The following CSMD1 variants were observed in gnomAD, a reference collection of about 807,000 sequenced individuals.
The protein encoded by CSMD1 is CUB and sushi domain-containing protein 1.
In CSMD1, 213 loss-of-function variants were observed where a neutral mutation model predicts 417.5. That is an observed-to-expected ratio of 0.51 (90% CI 0.46 to 0.57). The LOEUF is 0.57. CSMD1 is among the 20% of genes least tolerant of loss of function. The pLI is 0.00. For synonymous variants in CSMD1, 2,862 were observed against 1,736.8 expected (o/e 1.65, Z -16.11); for missense variants, 6,923 against 4,529.7 (o/e 1.53, Z -15.17).
At chr8:4,883,517 C>T (rs891049619) in intron 1 of CSMD1, among the ~76,000 whole-genome samples, 7 of 152,034 alleles carry the variant, frequency 4.6e-5, no homozygotes, top group African/African-American at 1.7e-4. Flanking sequence ...TGTTGACAAC[C>T]ACTACCATAT....
intron 2 of CSMD1, among the ~76,000 whole-genome samples, chr8:4,581,850 C>A (rs889213459): frequency 1.3e-5 from 2 of 152,208 alleles, no homozygotes; most frequent in Admixed American, 6.5e-5. Context: ...TGACCCAAAT[C>A]TCTGGACTCT....
chr8:4,187,440 A>AGTT (rs1798748595), intron 3 of CSMD1, among the ~76,000 whole-genome samples: 4 of 152,070 alleles, frequency 2.6e-5, no homozygotes, highest in African/African-American at 9.7e-5. Flanking sequence ...TGAGGTCAGG[A>AGTT]AGAGACCAGC....
chr8:4,562,233 G>C (rs960754253), intron 2 of CSMD1, among the ~76,000 whole-genome samples: 4 of 151,960 alleles, frequency 2.6e-5, no homozygotes, highest in African/African-American at 7.3e-5. Context: ...ACGACACACC[G>C]GTGTTCCACA....
intron 9 of CSMD1, 110 bp downstream of exon 9, chr8:3,586,026 G>C: frequency 1.8e-6 from 2 of 1,129,572 alleles, no homozygotes; most frequent in Non-Finnish European, 2.4e-6. Context: ...CATTACTACC[G>C]AATTCTACTC....
rs976436251 is a variant in CSMD1, at chr8:3,868,947, C to A, written c.819-114905G>T. 7.9e-5 allele frequency among the ~76,000 whole-genome samples: 12 copies of A among 152,194 alleles called. No individual in the cohort carries two copies. The East Asian group carries it at 2.1e-3, about 27-fold the overall frequency. On this transcript the variant is annotated intron_variant, in intron 5 of 69. Transcript: ENST00000635120. ...TAACACCCCAGAGCCAAAGAGACTC[C>A]ATTACAACCTAAGTCACATAACTCT...
chr8:3,677,189 A>C (rs866493060), intron 7 of CSMD1, among the ~76,000 whole-genome samples: 3 of 152,178 alleles, frequency 2.0e-5, no homozygotes, highest in Non-Finnish European at 4.4e-5. Flanking sequence ...AGAAACACGT[A>C]TATAAGACTT....
intron 5 of CSMD1, among the ~76,000 whole-genome samples, chr8:3,769,682 G>C (rs910658832): frequency 6.6e-6 from 1 of 151,932 alleles, no homozygotes; most frequent in Non-Finnish European, 1.5e-5. Context: ...ATATATATAT[G>C]ATGTGTGAAT....
intron 1 of CSMD1, among the ~76,000 whole-genome samples, chr8:4,920,886 GA>G (rs1806403441): frequency 1.3e-4 from 6 of 47,826 alleles, no homozygotes; most frequent in African/African-American, 1.9e-4. Flanking sequence ...GAAAAGAAAA[GA>G]AAAGAAAAGA....
chr8:3,457,181 T>A (rs956272393), intron 12 of CSMD1, among the ~76,000 whole-genome samples: 1 of 148,934 alleles, frequency 6.7e-6, no homozygotes, highest in Non-Finnish European at 1.5e-5. Context: ...CCTGGACTCC[T>A]CATCGTGGAC....
intron 5 of CSMD1, among the ~76,000 whole-genome samples, chr8:3,790,106 T>G (rs958829615): frequency 6.6e-6 from 1 of 152,212 alleles, no homozygotes; most frequent in African/African-American, 2.4e-5. Flanking sequence ...AATGAAAGTG[T>G]TAGCTGCTTA....
intron 3 of CSMD1, among the ~76,000 whole-genome samples, chr8:4,381,619 C>G (rs187881230): frequency 6.6e-6 from 1 of 152,176 alleles, no homozygotes. Flanking sequence ...TGAACACCCA[C>G]TGATCCCTCC....
intron 10 of CSMD1, among the ~76,000 whole-genome samples, chr8:3,510,378 C>T (rs1797013967): frequency 6.6e-6 from 1 of 151,772 alleles, no homozygotes; most frequent in Non-Finnish European, 1.5e-5. Context: ...CACATGGGTA[C>T]TTGAAGTCCA....
At chr8:4,732,772 A>G (rs1008460928) in intron 1 of CSMD1, among the ~76,000 whole-genome samples, 2 of 152,194 alleles carry the variant, frequency 1.3e-5, no homozygotes, top group African/African-American at 4.8e-5. Context: ...TTATAGCTCT[A>G]ATTGTGCCCA....
At chr8:4,174,628 C>A (rs1015036188) in intron 3 of CSMD1, among the ~76,000 whole-genome samples, 6 of 146,058 alleles carry the variant, frequency 4.1e-5, no homozygotes, top group Non-Finnish European at 8.9e-5. Flanking sequence ...AAAACAAACT[C>A]TAAGACCTGG....
intron 3 of CSMD1, among the ~76,000 whole-genome samples, chr8:4,342,275 A>T (rs1800525007): frequency 6.8e-6 from 1 of 146,750 alleles, no homozygotes; most frequent in South Asian, 2.1e-4. Context: ...GTGTAGAGGG[A>T]TATTTAAACC....
chr8:3,589,403 T>TGA (rs1318695779), intron 8 of CSMD1, among the ~76,000 whole-genome samples: 1 of 151,356 alleles, frequency 6.6e-6, no homozygotes, highest in Non-Finnish European at 1.5e-5. Flanking sequence ...TGTGTGTGTG[T>TGA]GTTCACGCGT....
chr8:4,604,412 C>CGT (rs1563326970), intron 2 of CSMD1, among the ~76,000 whole-genome samples: 5 of 36,946 alleles, frequency 1.4e-4, no homozygotes, highest in African/African-American at 3.6e-4. Context: ...TGTGTGTGTG[C>CGT]GCGTGCGTAA....
At chr8:3,320,603 G>A (rs770344347) in intron 23 of CSMD1, among the ~76,000 whole-genome samples, 26 of 152,196 alleles carry the variant, frequency 1.7e-4, no homozygotes, top group Non-Finnish European at 3.2e-4. Context: ...AGTGGAGCCA[G>A]GTGGTCAATT....
At chr8:4,310,113 C>G (rs1798477490) in intron 3 of CSMD1, among the ~76,000 whole-genome samples, 1 of 152,152 alleles carries the variant, frequency 6.6e-6, no homozygotes. Context: ...TCACTTATCT[C>G]CCATTCATCC....
Sources: gnomAD v4.1 joint callset for allele counts (sites outside exome capture counted in the v4.1 genomes callset) on GRCh38, gnomAD v4.1.1 for gene constraint, MANE v1.5 for transcripts, NCBI Gene and HGNC (gene_info 2026-07-23, HGNC 2026-07-21) for gene names.